Variants in SGCZ observed in about 807,000 individuals in gnomAD.
SGCZ encodes zeta-sarcoglycan.
A neutral mutation model predicts 41.3 loss-of-function variants in SGCZ; 40 were observed. The observed-to-expected ratio is 0.97, with a 90% CI of 0.75 to 1.26. The LOEUF is 1.26. Ranked by LOEUF, SGCZ falls within the 50% of genes most tolerant of loss-of-function variation. SGCZ has a pLI of 0.00. For synonymous variants in SGCZ, 206 were observed against 137.5 expected, an observed-to-expected ratio of 1.50 and a Z score of -3.49; for missense variants, 552 against 369.8, an observed-to-expected ratio of 1.49 and a Z score of -4.04.
Position 14,573,259 on chromosome 8 carries a change from G to T in SGCZ, c.40-18333C>A, listed in dbSNP as rs529368970. 3.2e-3 allele frequency among the ~76,000 whole-genome samples: 436 copies of T among 137,986 alleles called. 2 individuals are homozygous for T. The highest frequency in any genetic ancestry group is 5.2e-3 in the Non-Finnish European group (342 of 65,990). 90.5% of individuals were successfully genotyped at this position (137,986 alleles called of 152,430 possible). A position where few individuals can be genotyped will look rare whatever the true frequency, so the allele number is the denominator to read the frequency against. ...GTCGCCCAGGCTGGAGTGCAGTGGC[G>T]CTGTCTCGGCTCACTGCAAGCTCCG... is the stretch of plus-strand genomic sequence containing the variant. On this transcript the variant is annotated intron_variant, in intron 1 of 7. Coordinates refer to ENST00000382080, the MANE Select transcript of SGCZ (RefSeq NM_139167.4).
intron 4 of SGCZ, among the ~76,000 whole-genome samples, chr8:14,186,280 G>T (rs921614828): frequency 6.6e-6 from 1 of 152,180 alleles, no homozygotes; most frequent in Admixed American, 6.5e-5. Flanking sequence ...ATTTATTGAA[G>T]AAAATTTTTT....
At chr8:14,800,997 C>A (rs1177295095) in intron 1 of SGCZ, among the ~76,000 whole-genome samples, 2 of 152,122 alleles carry the variant, frequency 1.3e-5, no homozygotes, top group Non-Finnish European at 2.9e-5. Context: ...GAAACTAGCT[C>A]CGAATACCAG....
chr8:14,961,508 T>A (rs951276196), intron 1 of SGCZ, among the ~76,000 whole-genome samples: 1 of 152,184 alleles, frequency 6.6e-6, no homozygotes, highest in Non-Finnish European at 1.5e-5. Context: ...ATTCACATAA[T>A]TTTTATCACA....
chr8:14,508,083 T>C (rs1415004209), intron 2 of SGCZ, among the ~76,000 whole-genome samples: 1 of 150,426 alleles, frequency 6.6e-6, no homozygotes, highest in East Asian at 2.0e-4. Context: ...CATTACTTTC[T>C]TCGTGAGATC....
intron 3 of SGCZ, among the ~76,000 whole-genome samples, chr8:14,273,403 T>C (rs189599197): frequency 6.6e-6 from 1 of 152,234 alleles, no homozygotes; most frequent in East Asian, 1.9e-4. Context: ...GACTGTTATA[T>C]GGCACACATT....
intron 1 of SGCZ, among the ~76,000 whole-genome samples, chr8:15,227,522 A>C (rs575273441): frequency 1.3e-5 from 2 of 152,306 alleles, no homozygotes; most frequent in East Asian, 3.9e-4. Flanking sequence ...AGTTAAGTCA[A>C]ATGTTCTTTT....
At chr8:15,162,807 T>C (rs1387880537) in intron 1 of SGCZ, among the ~76,000 whole-genome samples, 5 of 152,210 alleles carry the variant, frequency 3.3e-5, no homozygotes, top group African/African-American at 7.2e-5. Flanking sequence ...TAATACTTTA[T>C]AGAGAGTTCC....
At chr8:14,612,878 G>A (rs931124941) in intron 1 of SGCZ, among the ~76,000 whole-genome samples, 2 of 152,092 alleles carry the variant, frequency 1.3e-5, no homozygotes, top group African/African-American at 4.8e-5. Flanking sequence ...TAGATACGGG[G>A]TTTCACCATG....
chr8:14,983,192 CT>C (rs66885648), intron 1 of SGCZ, among the ~76,000 whole-genome samples: 119,860 of 135,426 alleles, frequency 0.89, 53,854 homozygotes, highest in East Asian at 0.97. Context: ...TTTCTTTTTT[CT>C]TTTTTTTTTT....
At position 14,085,086 on chromosome 8, in the gene SGCZ, A is replaced by AT. The variant is rs970319103; in HGVS notation, c.*5356dup. Among the ~76,000 whole-genome samples, 8 of 151,916 alleles carry AT rather than the reference A, an allele frequency of 5.3e-5. No homozygotes were observed. The highest frequency in any genetic ancestry group is 1.9e-4 in the African/African-American group (8 of 41,524). On this transcript the variant is annotated 3_prime_UTR_variant, in exon 8 of 8. Coordinates refer to ENST00000382080, the MANE Select transcript of SGCZ (RefSeq NM_139167.4). Reference sequence around the variant, plus strand: ...TCTAAACAAAAGATACAATAGACTGATTTTTGAATAGATATGTTATCTACA... The same window carrying AT: ...TCTAAACAAAAGATACAATAGACTGATTTTTTGAATAGATATGTTATCTACA...
chr8:15,065,147 A>T (rs999086450), intron 1 of SGCZ, among the ~76,000 whole-genome samples: 2 of 151,944 alleles, frequency 1.3e-5, no homozygotes, highest in African/African-American at 4.8e-5. Context: ...CTCCAACAAG[A>T]CGGAACTGCT....
intron 1 of SGCZ, among the ~76,000 whole-genome samples, chr8:15,084,862 C>T (rs969145330): frequency 1.2e-4 from 19 of 152,068 alleles, no homozygotes; most frequent in Non-Finnish European, 1.5e-5. Context: ...TTAGCAGAAC[C>T]CCAATATCTA....
chr8:15,229,742 T>C (rs565777834), intron 1 of SGCZ, among the ~76,000 whole-genome samples: 1 of 152,362 alleles, frequency 6.6e-6, no homozygotes, highest in African/African-American at 2.4e-5. Flanking sequence ...TAACAGCGTT[T>C]TCCCATTCAT....
chr8:14,544,434 G>T (rs1325004727), intron 2 of SGCZ, among the ~76,000 whole-genome samples: 1 of 151,966 alleles, frequency 6.6e-6, no homozygotes, highest in African/African-American at 2.4e-5. Context: ...CTGCGGGGTC[G>T]GGGAAAAACA....
chr8:14,259,780 A>G (rs1252425290), intron 3 of SGCZ, among the ~76,000 whole-genome samples: 1 of 150,406 alleles, frequency 6.6e-6, no homozygotes, highest in African/African-American at 2.4e-5. Context: ...CTTAGGATTG[A>G]CTTGGCGATG....
chr8:14,887,898 C>A (rs771289770), intron 1 of SGCZ, among the ~76,000 whole-genome samples: 27 of 151,968 alleles, frequency 1.8e-4, no homozygotes, highest in Non-Finnish European at 3.5e-4. Context: ...GAGTTGTATC[C>A]CATTGTGTTT....
intron 1 of SGCZ, among the ~76,000 whole-genome samples, chr8:15,068,536 A>G (rs1805234929): frequency 6.6e-6 from 1 of 152,234 alleles, no homozygotes; most frequent in Non-Finnish European, 1.5e-5. Context: ...TGATGTTCAC[A>G]GAAGTTCAAT....
intron 1 of SGCZ, among the ~76,000 whole-genome samples, chr8:15,060,783 GT>G (rs1307854230): frequency 3.9e-5 from 6 of 151,962 alleles, no homozygotes; most frequent in Non-Finnish European, 5.9e-5. Flanking sequence ...AAAGAGGGTT[GT>G]TTTGTTTTTG....
chr8:14,947,924 T>C (rs1269876352), intron 1 of SGCZ, among the ~76,000 whole-genome samples: 1 of 152,204 alleles, frequency 6.6e-6, no homozygotes, highest in Non-Finnish European at 1.5e-5. Context: ...TGAGTTGATC[T>C]AATTATCTTT....
Sources: allele counts gnomAD v4.1 joint callset (sites outside exome capture counted in the v4.1 genomes callset), GRCh38; gene constraint gnomAD v4.1.1; transcripts MANE v1.5; gene names NCBI Gene and HGNC (gene_info 2026-07-23, HGNC 2026-07-21).